Variants in USP24 observed in about 807,000 individuals in gnomAD.
The protein encoded by USP24 is ubiquitin carboxyl-terminal hydrolase 24.
A neutral mutation model predicts 361.6 loss-of-function variants in USP24; 97 were observed. The observed-to-expected ratio is 0.27, with a 90% CI of 0.23 to 0.32. The LOEUF (loss-of-function observed/expected upper bound fraction) is 0.32. Among genes scored for constraint, USP24 ranks in the 10% least tolerant of loss-of-function variants. The pLI is 1.00. For missense variants in USP24, 2,353 were observed against 3,165.6 expected (o/e 0.74, Z 6.16); for synonymous variants, 1,098 against 1,124.6 (o/e 0.98, Z 0.47).
rs1190679671 is a variant in USP24, at chr1:55,165,964, A to G, written c.862-14T>C. The G allele has an allele frequency of 1.2e-6, 2 of 1,601,532 alleles. No homozygotes were observed. Among genetic ancestry groups the G allele is most frequent in the Non-Finnish European group, 1.7e-6 (2 of 1,173,464 alleles). ...TAATTCTCCAAACTGAGAAGAAAAA[A>G]GGCACACATTAAGTTATTTTTCTCT... On this transcript the variant is annotated splice_polypyrimidine_tract_variant and intron_variant, in intron 6 of 67. Coordinates refer to ENST00000294383, the MANE Select transcript of USP24 (RefSeq NM_015306.3).
At chr1:55,074,101 T>G (rs1570335280) in intron 63 of USP24, among the ~76,000 whole-genome samples, 195 bp from the exon 64 acceptor site, 1 of 87,620 alleles carries the variant, frequency 1.1e-5, no homozygotes, top group African/African-American at 4.5e-5. Flanking sequence ...CTACTTTAAG[T>G]ATGTTTAAAA....
At chr1:55,147,530 A>T (rs1647061954) in intron 18 of USP24, 119 bp downstream of exon 18, 4 of 1,133,584 alleles carry the variant, frequency 3.5e-6, no homozygotes. Flanking sequence ...CCCTCACTAC[A>T]AAGATACCTC....
Position 55,068,874 on chromosome 1 carries a change from C to T in USP24, c.*171G>A, listed in dbSNP as rs926431247. The T allele has an allele frequency of 3.1e-6, 2 of 654,164 alleles. No homozygotes were observed. Among genetic ancestry groups the T allele is most frequent in the African/African-American group, 3.7e-5 (2 of 54,744 alleles). The allele number at this position is 654,164 out of a possible 1,614,324, so 40.5% of individuals were successfully genotyped here. ...TCCCACTGCCAAACAGCTCCCAAAC[C>T]TTCTAGTGGCTTAAAAATGCTTTCC... On this transcript the variant is annotated 3_prime_UTR_variant, in exon 68 of 68. Coordinates refer to ENST00000294383, the MANE Select transcript of USP24 (RefSeq NM_015306.3).
chr1:55,100,612 C>G (rs890375817), intron 44 of USP24, among the ~76,000 whole-genome samples: 1 of 151,858 alleles, frequency 6.6e-6, no homozygotes, highest in Non-Finnish European at 1.5e-5. Flanking sequence ...TAAAAATATT[C>G]AAAATAATTA....
At chr1:55,135,074 A>G (rs1164162086) in intron 28 of USP24, among the ~76,000 whole-genome samples, 1 of 152,154 alleles carries the variant, frequency 6.6e-6, no homozygotes, top group Non-Finnish European at 1.5e-5. Flanking sequence ...TACTATGTAC[A>G]CTGTTTTTGT....
At chr1:55,166,950 G>T in intron 5 of USP24, among the ~76,000 whole-genome samples, 1 of 152,148 alleles carries the variant, frequency 6.6e-6, no homozygotes, top group Non-Finnish European at 1.5e-5. Context: ...ATTAACATAA[G>T]AAGCAGTAAA....
Position 55,158,965 on chromosome 1 carries a change from C to T in USP24, c.1140G>A (p.Val380=). ...LLCMRFQPDL[V]TIVDDLRLDI... ...CTAGTCGAAGGTCATCCACAATTGT[C>T]ACCAGATCCGGTTGGAAGCGCATGC... The change falls in exon 10 of 68, where the codon GTG becomes GTA. Residue 380 remains valine (V), a synonymous_variant. Coordinates refer to ENST00000294383, the MANE Select transcript of USP24 (RefSeq NM_015306.3). 1 of 1,598,030 alleles carries T rather than the reference C, an allele frequency of 6.3e-7. No individual in the cohort carries two copies. Among genetic ancestry groups the T allele is most frequent in the Non-Finnish European group, 8.5e-7 (1 of 1,170,766 alleles).
Position 55,100,938 on chromosome 1 carries a change from T to G in USP24, c.5172A>C (p.Thr1724=). ...AAAACACGCTATCATCTGGATTGTC[T>G]GTGTCATCATCCACTGAAAGTAATG... is the stretch of plus-strand genomic sequence containing the variant. ...PESLLSVDDD[T]DNPDDSVFYQ... The change falls in exon 44 of 68, where the codon ACA becomes ACC. Residue 1724 remains threonine, a synonymous_variant. Transcript: ENST00000294383. 6.2e-7 allele frequency: 1 copy of G among 1,612,402 alleles called. No homozygotes were observed. Among genetic ancestry groups the G allele is most frequent in the Non-Finnish European group, 8.5e-7 (1 of 1,179,472 alleles).
chr1:55,088,610 G>A (rs1041574720), intron 55 of USP24, among the ~76,000 whole-genome samples: 6 of 152,108 alleles, frequency 3.9e-5, no homozygotes, highest in African/African-American at 9.7e-5. Flanking sequence ...ATGCTCATTT[G>A]CTAATCTGTA....
intron 1 of USP24, among the ~76,000 whole-genome samples, chr1:55,194,757 C>T (rs1368512232): frequency 6.6e-6 from 1 of 152,114 alleles, no homozygotes; most frequent in East Asian, 1.9e-4. Context: ...AACTCGGTTT[C>T]TGACTCAAAT....
rs1052255597 is a variant in USP24 at position 55,075,594 on chromosome 1, T to C, written c.7381-71A>G. On this transcript the variant is annotated intron_variant, in intron 62 of 67. Coordinates refer to ENST00000294383, the MANE Select transcript of USP24 (RefSeq NM_015306.3). ...GTCATAGCCACGGGTGCTTTCTTTA[T>C]AATTCTACCCAAGAGATTAATTTAG... The C allele has an allele frequency of 6.7e-5, 70 of 1,037,302 alleles. No individual in the cohort carries two copies. The Middle Eastern group carries it at 8.5e-4, about 13-fold the overall frequency. 64.3% of individuals were successfully genotyped at this position (1,037,302 alleles called of 1,614,324 possible).
intron 46 of USP24, 27 bp from the exon 47 acceptor site, chr1:55,098,111 C>T: frequency 6.4e-7 from 1 of 1,563,518 alleles, no homozygotes; most frequent in East Asian, 2.2e-5. Flanking sequence ...AGAAAACCCA[C>T]AATCAACAAT....
chr1:55,079,600 G>C lies in USP24; in HGVS notation c.7138C>G (p.Pro2380Ala), dbSNP rs776858412. Residue 2380 changes from proline to alanine, a missense_variant, in exon 60 of 68, where the codon CCC becomes GCC. Pro to Ala is a conservative substitution (Grantham distance 27). This residue lies in a region of USP24 where 598 missense variants were observed against 761.9 expected (regional missense o/e 0.78). Coordinates refer to ENST00000294383, the MANE Select transcript of USP24 (RefSeq NM_015306.3). ...ISIAPSSPLLPLHEEVEALLF... is the reference protein window; with the variant it reads ...ISIAPSSPLLALHEEVEALLF... ...AAGGCTTCTACCTCCTCATGGAGGG[G>C]CAACAGAGGGCTTGAGGGAGCAATG... 4.5e-6 allele frequency: 7 copies of C among 1,558,622 alleles called. No individual in the cohort carries two copies. Among genetic ancestry groups the C allele is most frequent in the Non-Finnish European group, 6.0e-6 (7 of 1,160,858 alleles).
intron 1 of USP24, among the ~76,000 whole-genome samples, chr1:55,205,970 A>G (rs1644692813): frequency 6.6e-6 from 1 of 152,208 alleles, no homozygotes; most frequent in Non-Finnish European, 1.5e-5. Context: ...CTAGTCTAAG[A>G]TGATGCCCAT....
In USP24 at chr1:55,120,778, C is replaced by T. The variant is rs371897601; in HGVS notation, c.4348-22G>A. The T allele has an allele frequency of 4.7e-5, 72 of 1,546,512 alleles. No homozygotes were observed. In the African/African-American group the frequency reaches 9.4e-4, roughly 20 times the overall value. On this transcript the variant is annotated intron_variant, in intron 37 of 67. Coordinates refer to ENST00000294383, the MANE Select transcript of USP24 (RefSeq NM_015306.3). ...GAATCTGAAATTACATGATCAGCAG[C>T]AAAGGACAGACATGAATCAACATGT...
intron 9 of USP24, 30 bp downstream of exon 9, chr1:55,159,581 G>T: frequency 6.5e-7 from 1 of 1,543,532 alleles, no homozygotes. Context: ...AACTGGCACT[G>T]GGGCCTATCT....
At chr1:55,100,772 C>T in intron 44 of USP24, 67 bp downstream of exon 44, 1 of 1,466,152 alleles carries the variant, frequency 6.8e-7, no homozygotes, top group Non-Finnish European at 9.0e-7. Context: ...AAAACCATTA[C>T]CATTAGAGAA....
chr1:55,166,635 C>CA, intron 5 of USP24, 32 bp from the exon 6 acceptor site: 1 of 1,563,710 alleles, frequency 6.4e-7, no homozygotes, highest in South Asian at 1.2e-5. Flanking sequence ...ATTGAGATGG[C>CA]AATATAAAAG....
At position 55,141,764 on chromosome 1, in the gene USP24, G is replaced by C. The variant is rs147248112; in HGVS notation, c.2635-33C>G. 1.3e-3 allele frequency: 1,959 copies of C among 1,557,894 alleles called. 25 individuals are homozygous for C. In the African/African-American group the frequency reaches 0.023, roughly 18 times the overall value. On this transcript the variant is annotated intron_variant, in intron 23 of 67. Coordinates refer to ENST00000294383, the MANE Select transcript of USP24 (RefSeq NM_015306.3). Reference sequence around the variant, plus strand: ...ATACCAAACAGTCATTCTCTATCAGGGTTTCTCAACCTGGACTCTAGTGAC... The same window carrying C: ...ATACCAAACAGTCATTCTCTATCAGCGTTTCTCAACCTGGACTCTAGTGAC...
Sources: allele counts gnomAD v4.1 joint callset (sites outside exome capture counted in the v4.1 genomes callset), GRCh38; gene constraint gnomAD v4.1.1; regional missense constraint gnomAD v4.1.1; transcripts MANE v1.5; gene names NCBI Gene and HGNC (gene_info 2026-07-23, HGNC 2026-07-21).